HEMK2: variants seen among roughly 807,000 people sequenced by gnomAD.
The protein encoded by HEMK2 is HemK methyltransferase 2, ETF1 glutamine and histone H4 lysine.
chr21:28,757,435 G>C, the HEMK2 span, among the ~76,000 whole-genome samples: 2 of 152,140 alleles, frequency 1.3e-5, no homozygotes. Flanking sequence ...CTGCTGAACA[G>C]AATCAATGAT....
At chr21:28,602,560 T>C in the HEMK2 span, among the ~76,000 whole-genome samples, 1 of 152,162 alleles carries the variant, frequency 6.6e-6, no homozygotes. Context: ...TCACTATGAA[T>C]GCACAATTGT....
At chr21:28,820,474 A>G in the HEMK2 span, among the ~76,000 whole-genome samples, 15 of 152,306 alleles carry the variant, frequency 9.8e-5, no homozygotes, top group Non-Finnish European at 1.9e-4. Context: ...TGTGGGCCCA[A>G]GAGACCACTG....
chr21:28,637,025 A>G, the HEMK2 span, among the ~76,000 whole-genome samples: 1 of 152,224 alleles, frequency 6.6e-6, no homozygotes, highest in South Asian at 2.1e-4. Context: ...AGCAAGTGGC[A>G]CATTCAGGTA....
chr21:28,736,482 G>C, the HEMK2 span, among the ~76,000 whole-genome samples: 1 of 152,156 alleles, frequency 6.6e-6, no homozygotes, highest in Non-Finnish European at 1.5e-5. Context: ...GTGGCCGGAC[G>C]CGGTGGCTCA....
At chr21:28,680,149 G>A in the HEMK2 span, among the ~76,000 whole-genome samples, 1 of 152,046 alleles carries the variant, frequency 6.6e-6, no homozygotes, top group East Asian at 1.9e-4. Flanking sequence ...TTGATAGACT[G>A]CTAGCAAGAC....
At chr21:28,831,739 G>GAAAGAAAGAAAGAA in the HEMK2 span, among the ~76,000 whole-genome samples, 1 of 144,204 alleles carries the variant, frequency 6.9e-6, no homozygotes, top group African/African-American at 2.7e-5. Flanking sequence ...AGGAAGGAAA[G>GAAAGAAAGAAAGAA]AAAGAAAGAA....
the HEMK2 span, among the ~76,000 whole-genome samples, chr21:28,851,507 G>A: frequency 1.8e-4 from 28 of 152,110 alleles, no homozygotes; most frequent in Non-Finnish European, 2.6e-4. Context: ...CTTGGTTGTC[G>A]GAGGGGCCAA....
the HEMK2 span, among the ~76,000 whole-genome samples, chr21:28,700,838 C>A: frequency 0.037 from 5,676 of 151,630 alleles, 147 homozygotes; most frequent in Non-Finnish European, 0.054. Context: ...GAAACACACA[C>A]ACACACACAA....
chr21:28,870,351 T>C, the HEMK2 span, among the ~76,000 whole-genome samples: 2 of 152,140 alleles, frequency 1.3e-5, no homozygotes, highest in Non-Finnish European at 2.9e-5. Flanking sequence ...CTAACTAAAG[T>C]TCACAGTTTA....
the HEMK2 span, among the ~76,000 whole-genome samples, chr21:28,712,268 G>A: frequency 6.6e-6 from 1 of 152,190 alleles, no homozygotes; most frequent in African/African-American, 2.4e-5. Context: ...TCCCAAAACA[G>A]ATTACTTACA....
chr21:28,722,004 T>C, the HEMK2 span, among the ~76,000 whole-genome samples: 1 of 151,660 alleles, frequency 6.6e-6, no homozygotes, highest in Non-Finnish European at 1.5e-5. Context: ...ATAGAAATCA[T>C]AGCTTATGCC....
At chr21:28,783,460 C>T in the HEMK2 span, among the ~76,000 whole-genome samples, 1 of 152,230 alleles carries the variant, frequency 6.6e-6, no homozygotes, top group Non-Finnish European at 1.5e-5. Flanking sequence ...GCTGGGATTA[C>T]AGGCATGAGC....
chr21:28,643,233 A>G, the HEMK2 span, among the ~76,000 whole-genome samples: 1 of 152,220 alleles, frequency 6.6e-6, no homozygotes, highest in African/African-American at 2.4e-5. Flanking sequence ...ATTCATATGC[A>G]GAAATCTTCA....
the HEMK2 span, among the ~76,000 whole-genome samples, chr21:28,814,896 TTATAAATCATGCTGC>T: frequency 3.3e-5 from 5 of 152,114 alleles, no homozygotes; most frequent in Admixed American, 3.3e-4. Flanking sequence ...ACCCAAAAGA[TTATAAATCATGCTGC>T]TATAAAAACA....
chr21:28,606,814 T>C, the HEMK2 span, among the ~76,000 whole-genome samples: 45 of 152,308 alleles, frequency 3.0e-4, 1 homozygote, highest in Middle Eastern at 0.01. Context: ...GAAGTAAAAT[T>C]GTTATAATTA....
chr21:28,691,253 G>A, the HEMK2 span, among the ~76,000 whole-genome samples: 1 of 97,664 alleles, frequency 1.0e-5, no homozygotes, highest in South Asian at 2.7e-4. Flanking sequence ...ATATGAGAGA[G>A]GGACTGAACG....
the HEMK2 span, among the ~76,000 whole-genome samples, chr21:28,580,566 C>CT: frequency 3.7e-5 from 3 of 81,474 alleles, no homozygotes; most frequent in African/African-American, 1.1e-4. Context: ...GTTTAATGCA[C>CT]TTAAAAAAAA....
chr21:28,823,848 G>GA, the HEMK2 span, among the ~76,000 whole-genome samples: 25 of 147,490 alleles, frequency 1.7e-4, no homozygotes, highest in African/African-American at 4.2e-4. Context: ...TACATACTGT[G>GA]AAAAAAAAAA....
the HEMK2 span, among the ~76,000 whole-genome samples, chr21:28,593,170 C>G: frequency 2.6e-5 from 4 of 152,026 alleles, no homozygotes; most frequent in Non-Finnish European, 5.9e-5. Context: ...GCACTCCAGC[C>G]TAGGTGACAG....
Sources: allele counts gnomAD v4.1 joint callset (sites outside exome capture counted in the v4.1 genomes callset), GRCh38; gene constraint gnomAD v4.1.1; transcripts MANE v1.5; gene names NCBI Gene and HGNC (gene_info 2026-07-23, HGNC 2026-07-21).